The following NONO variants were observed in gnomAD, a reference collection of about 807,000 sequenced individuals.
The protein encoded by NONO is non-POU domain-containing octamer-binding protein.
Under a neutral mutation model 40.2 loss-of-function variants are expected in NONO, and 6 were observed. The observed-to-expected ratio is 0.15, with a 90% CI of 0.08 to 0.29. The LOEUF (loss-of-function observed/expected upper bound fraction) is 0.29, where lower values mean the gene tolerates loss of function less well. Among genes scored for constraint, NONO ranks in the 10% least tolerant of loss-of-function variants. The pLI is 1.00. For missense variants in NONO, 133 were observed against 397.8 expected, an observed-to-expected ratio of 0.33 and a Z score of 5.66; for synonymous variants, 89 against 123.3, an observed-to-expected ratio of 0.72 and a Z score of 1.85.
intron 2 of NONO, among the ~76,000 whole-genome samples, chrX:71,287,553 T>C (rs1375904391): frequency 9.1e-6 from 1 of 109,502 alleles, no homozygotes; most frequent in East Asian, 2.9e-4. Context: ...AATTTTTTTG[T>C]ATTTTTAGTA....
At chrX:71,298,582 G>A (rs2031504028) in intron 10 of NONO, 74 bp downstream of exon 10, 1 of 1,086,011 alleles carries the variant, frequency 9.2e-7, no homozygotes, top group Non-Finnish European at 1.3e-6. Flanking sequence ...AGCTTCTGCT[G>A]CCTACTTTAA....
At chrX:71,285,213 C>A (rs954422862) in intron 2 of NONO, 2 of 112,416 alleles carry the variant, frequency 1.8e-5, no homozygotes, top group Admixed American at 1.9e-4. Flanking sequence ...ACACCTGGAA[C>A]CCAAGTAGGA....
At chrX:71,298,355 G>T in intron 9 of NONO, 114 bp from the exon 10 acceptor site, 1 of 652,015 alleles carries the variant, frequency 1.5e-6, no homozygotes, top group Admixed American at 2.3e-5. Flanking sequence ...AGCTTTCTCA[G>T]TGCTGTTTGG....
intron 4 of NONO, chrX:71,292,755 G>A (rs1437903676): frequency 8.9e-6 from 1 of 112,032 alleles, no homozygotes; most frequent in Non-Finnish European, 1.9e-5. Flanking sequence ...CAAAGGCAAC[G>A]CACCACGGTG....
intron 1 of NONO, 194 bp from the exon 2 acceptor site, chrX:71,284,203 G>A (rs933601945): frequency 8.9e-6 from 1 of 112,572 alleles, no homozygotes. Flanking sequence ...TGCATATCCA[G>A]AGCCCGCCGC....
intron 9 of NONO, chrX:71,298,157 A>T (rs1174493107): frequency 6.9e-6 from 3 of 432,786 alleles, no homozygotes; most frequent in Non-Finnish European, 8.1e-6. Flanking sequence ...GTTTAGACTC[A>T]GTGACTATAG....
rs1406206393 is a variant in NONO at position 71,298,551 on chromosome X, T to C, written c.1171+43T>C. Reference sequence around the variant, plus strand: ...TAATGGCTCTGATTTCCTTTTTTGTTTGGTCTTGGGTGAACTATGTAGCTT... The same window carrying C: ...TAATGGCTCTGATTTCCTTTTTTGTCTGGTCTTGGGTGAACTATGTAGCTT... On this transcript the variant is annotated intron_variant, in intron 10 of 11. Coordinates refer to ENST00000276079, the MANE Select transcript of NONO (RefSeq NM_007363.5). 3 of 1,160,697 alleles carry C rather than the reference T, an allele frequency of 2.6e-6. No homozygotes were observed. The South Asian group carries it at 5.4e-5, about 21-fold the overall frequency.
chrX:71,289,355 A>ATG, intron 2 of NONO, among the ~76,000 whole-genome samples: 2 of 111,303 alleles, frequency 1.8e-5, no homozygotes, highest in Non-Finnish European at 3.8e-5. Flanking sequence ...GCAGTGGCGC[A>ATG]ATCTCGGCTC....
intron 4 of NONO, 46 bp from the exon 5 acceptor site, chrX:71,294,181 T>G: frequency 8.7e-7 from 1 of 1,155,716 alleles, no homozygotes; most frequent in Non-Finnish European, 1.2e-6. Context: ...GCTGCTAAGG[T>G]GTTCTTTGTC....
rs200252659 is a variant in NONO, at chrX:71,297,828, C to T, written c.1029-8C>T. 98 of 1,191,838 alleles carry T rather than the reference C, an allele frequency of 8.2e-5. 1 individual carries two copies. The African/African-American group carries it at 1.6e-3, about 19-fold the overall frequency. Reference sequence around the variant, plus strand: ...CTCTGTCTTAAATACATTGGTGACTCTCTGTAGGCAGGAGGAAGAGCGCAG... The same window carrying T: ...CTCTGTCTTAAATACATTGGTGACTTTCTGTAGGCAGGAGGAAGAGCGCAG... On this transcript the variant is annotated splice_polypyrimidine_tract_variant and splice_region_variant and intron_variant, in intron 8 of 11. Transcript: ENST00000276079.
At chrX:71,292,158 G>C (rs762138168) in intron 4 of NONO, 186 bp downstream of exon 4, 3 of 341,177 alleles carry the variant, frequency 8.8e-6, no homozygotes, top group Non-Finnish European at 1.5e-5. Flanking sequence ...AGGATAACAA[G>C]TTTTTTGCCT....
rs1050301820 is a variant in NONO, at chrX:71,301,104, G to GTT, written c.*1032_*1033dup. 7.1e-6 allele frequency: 1 copy of GTT among 141,435 alleles called. No homozygotes were observed. Among genetic ancestry groups the GTT allele is most frequent in the Non-Finnish European group, 1.4e-5 (1 of 71,028 alleles). 11.7% of individuals were successfully genotyped at this position (141,435 alleles called of 1,213,427 possible). A position where few individuals can be genotyped will look rare whatever the true frequency, so the allele number is the denominator to read the frequency against. ...GTTTGATTTGTCTCATATATTTGGA[G>GTT]TTTTTCTGAAAAATGGAGCAGTAAT... On this transcript the variant is annotated 3_prime_UTR_variant, in exon 12 of 12. Coordinates refer to ENST00000276079, the MANE Select transcript of NONO (RefSeq NM_007363.5).
At chrX:71,288,119 C>CTTTTTTTTTT (rs41517053) in intron 2 of NONO, among the ~76,000 whole-genome samples, 7 of 53,854 alleles carry the variant, frequency 1.3e-4, no homozygotes, top group African/African-American at 3.2e-4. Context: ...TTATTTTTAT[C>CTTTTTTTTTT]TTTTTTTTTT....
chrX:71,298,521 G>T lies in NONO; in HGVS notation c.1171+13G>T. ...ATGGCTATGGGAGGTAAGGACTTAG[G>T]AGGTTAATGGCTCTGATTTCCTTTT... On this transcript the variant is annotated intron_variant, in intron 10 of 11. Coordinates refer to ENST00000276079, the MANE Select transcript of NONO (RefSeq NM_007363.5). 1 of 1,200,791 alleles carries T rather than the reference G, an allele frequency of 8.3e-7. No homozygotes were observed. Among genetic ancestry groups the T allele is most frequent in the South Asian group, 1.8e-5 (1 of 56,765 alleles).
chrX:71,296,140 CTTTTCTTTTTT>C (rs922335597), intron 5 of NONO, among the ~76,000 whole-genome samples: 3 of 102,931 alleles, frequency 2.9e-5, no homozygotes, highest in Non-Finnish European at 5.9e-5. Context: ...TTTTCTTTTT[CTTTTCTTTTTT>C]TTTTTTTTTT....
intron 4 of NONO, chrX:71,292,201 CT>C (rs113180523): frequency 0.059 from 11,599 of 196,256 alleles, no homozygotes; most frequent in East Asian, 0.085. Context: ...CCCTTTGGAA[CT>C]TTTTTTTTTT....
chrX:71,299,217 C>T (rs1268922968), intron 11 of NONO, among the ~76,000 whole-genome samples: 1 of 112,337 alleles, frequency 8.9e-6, no homozygotes, highest in Admixed American at 9.4e-5. Flanking sequence ...AGTTTGACCA[C>T]GTTGGTCAGG....
intron 3 of NONO, 132 bp from the exon 4 acceptor site, chrX:71,291,647 G>T (rs1449837603): frequency 4.1e-6 from 2 of 483,316 alleles, no homozygotes; most frequent in African/African-American, 4.9e-5. Flanking sequence ...TGGTTAGGTT[G>T]CCTTGGGAAA....
In NONO at chrX:71,300,291, T is replaced by A; in HGVS notation, c.*215T>A. 1 of 427,884 alleles carries A rather than the reference T, an allele frequency of 2.3e-6. No individual in the cohort carries two copies. Among genetic ancestry groups the A allele is most frequent in the South Asian group, 3.3e-5 (1 of 30,203 alleles). The allele number at this position is 427,884 out of a possible 1,213,427, so 35.3% of individuals were successfully genotyped here. A position where few individuals can be genotyped will look rare whatever the true frequency, so the allele number is the denominator to read the frequency against. The stretch of plus-strand genomic sequence containing the variant: ...GGTATATTGTTTAATCAGTTCTGTG[T>A]GGTGCATTCCTGAAGTCTCTAATGT... On this transcript the variant is annotated 3_prime_UTR_variant, in exon 12 of 12. Coordinates refer to ENST00000276079, the MANE Select transcript of NONO (RefSeq NM_007363.5).
Sources: allele counts gnomAD v4.1 joint callset (sites outside exome capture counted in the v4.1 genomes callset), GRCh38; gene constraint gnomAD v4.1.1; transcripts MANE v1.5; gene names NCBI Gene and HGNC (gene_info 2026-07-23, HGNC 2026-07-21).